MCOLN3: variants seen among roughly 807,000 people sequenced by gnomAD.
MCOLN3 encodes mucolipin-3.
A neutral mutation model predicts 69.4 loss-of-function variants in MCOLN3; 62 were observed. The ratio of observed to expected loss-of-function variants is 0.89; its 90% CI spans 0.73 to 1.10. The LOEUF (loss-of-function observed/expected upper bound fraction) is 1.10. MCOLN3 is among the 50% of genes least tolerant of loss of function. MCOLN3 has a pLI of 0.00. For missense variants in MCOLN3, 564 were observed against 656.4 expected (o/e 0.86, Z 1.54); for synonymous variants, 183 against 217.0 (o/e 0.84, Z 1.38).
intron 1 of MCOLN3, among the ~76,000 whole-genome samples, chr1:85,048,028 G>C (rs1046819996): frequency 1.3e-5 from 2 of 152,222 alleles, no homozygotes; most frequent in Non-Finnish European, 2.9e-5. Flanking sequence ...AGCCCCGGCC[G>C]GCATCCAAGC....
intron 6 of MCOLN3, among the ~76,000 whole-genome samples, chr1:85,031,165 G>A (rs761553165): frequency 8.6e-5 from 13 of 151,716 alleles, no homozygotes; most frequent in South Asian, 2.1e-4. Flanking sequence ...CAGCTACTCC[G>A]GAGGCTGAGG....
intron 3 of MCOLN3, among the ~76,000 whole-genome samples, chr1:85,037,849 G>A (rs1260856301): frequency 6.6e-6 from 1 of 152,216 alleles, no homozygotes; most frequent in Non-Finnish European, 1.5e-5. Flanking sequence ...GCTTTAATTA[G>A]TCTGGGCATC....
Position 85,039,267 on chromosome 1 carries a change from G to A in MCOLN3, c.396+1743C>T, listed in dbSNP as rs114577337. On this transcript the variant is annotated intron_variant, in intron 3 of 12. Coordinates refer to ENST00000370589, the MANE Select transcript of MCOLN3 (RefSeq NM_018298.11). ...TGTGTCCCTCCAAAGTTCTTATGGT[G>A]GAAATTAAACCCCAATATGATAGTC... Among the ~76,000 whole-genome samples, 407 of 152,244 alleles carry A rather than the reference G, an allele frequency of 2.7e-3. 5 individuals are homozygous for A. The highest frequency in any genetic ancestry group is 9.4e-3 in the African/African-American group (389 of 41,554).
chr1:85,033,579 C>A (rs1267061848), intron 4 of MCOLN3, among the ~76,000 whole-genome samples: 1 of 152,122 alleles, frequency 6.6e-6, no homozygotes, highest in African/African-American at 2.4e-5. Context: ...AAGAAGAATA[C>A]GCCATGCTAT....
chr1:85,037,091 A>G (rs1652838039), intron 3 of MCOLN3, among the ~76,000 whole-genome samples: 1 of 152,166 alleles, frequency 6.6e-6, no homozygotes, highest in East Asian at 1.9e-4. Flanking sequence ...TGAGTTGGTA[A>G]ACTGTTAGGA....
intron 3 of MCOLN3, 62 bp from the exon 4 acceptor site, chr1:85,034,313 C>T (rs1652698000): frequency 6.5e-7 from 1 of 1,528,592 alleles, no homozygotes; most frequent in Non-Finnish European, 9.0e-7. Flanking sequence ...GAAGCCATAA[C>T]TCCCCTCCCT....
At chr1:85,046,760 A>G (rs1308578795) in intron 1 of MCOLN3, among the ~76,000 whole-genome samples, 1 of 152,234 alleles carries the variant, frequency 6.6e-6, no homozygotes, top group African/African-American at 2.4e-5. Context: ...TAATGAAAAG[A>G]TTAATAAGGA....
chr1:85,025,711 C>A, intron 9 of MCOLN3: 1 of 485,012 alleles, frequency 2.1e-6, no homozygotes, highest in Non-Finnish European at 3.7e-6. Flanking sequence ...TACACTTTAC[C>A]AGGCACCCAA....
At chr1:85,021,605 G>A (rs750784884) in intron 11 of MCOLN3, among the ~76,000 whole-genome samples, 2 of 152,136 alleles carry the variant, frequency 1.3e-5, no homozygotes, top group Admixed American at 6.5e-5. Flanking sequence ...GAGATACCCA[G>A]GTCCCAACCA....
At chr1:85,030,893 G>C (rs1251092760) in intron 6 of MCOLN3, among the ~76,000 whole-genome samples, 1 of 152,176 alleles carries the variant, frequency 6.6e-6, no homozygotes, top group African/African-American at 2.4e-5. Flanking sequence ...GCAAAGGAAG[G>C]CTTGGAATAG....
intron 1 of MCOLN3, among the ~76,000 whole-genome samples, 176 bp from the exon 2 acceptor site, chr1:85,045,538 C>T (rs74604529): frequency 0.022 from 3,396 of 152,268 alleles, 137 homozygotes; most frequent in African/African-American, 0.078. Flanking sequence ...CAATGTAGGA[C>T]GTCACTTTTT....
chr1:85,032,244 T>C (rs1018617687), intron 6 of MCOLN3, among the ~76,000 whole-genome samples: 1 of 152,134 alleles, frequency 6.6e-6, no homozygotes, highest in Non-Finnish European at 1.5e-5. Flanking sequence ...AACTTGAAGG[T>C]AGACTGTAAT....
intron 7 of MCOLN3, 95 bp from the exon 8 acceptor site, chr1:85,026,379 T>G (rs1202230487): frequency 4.6e-6 from 4 of 860,226 alleles, no homozygotes; most frequent in Non-Finnish European, 5.7e-6. Context: ...CAAGCATTCT[T>G]TCTGGTAAGA....
At chr1:85,046,508 C>G (rs773223597) in intron 1 of MCOLN3, among the ~76,000 whole-genome samples, 1 of 152,094 alleles carries the variant, frequency 6.6e-6, no homozygotes, top group South Asian at 2.1e-4. Context: ...TCCTTCCATA[C>G]GGAATAGAAA....
At position 85,046,960 on chromosome 1, in the gene MCOLN3, G is replaced by T. The variant is rs1314825559; in HGVS notation, c.-3+1436C>A. Among the ~76,000 whole-genome samples, 3 of 152,130 alleles carry T rather than the reference G, an allele frequency of 2.0e-5. No homozygotes were observed. In the East Asian group the frequency reaches 5.8e-4, roughly 29 times the overall value. On this transcript the variant is annotated intron_variant, in intron 1 of 12. Coordinates refer to ENST00000370589, the MANE Select transcript of MCOLN3 (RefSeq NM_018298.11). Reference sequence around the variant, plus strand: ...AAAGAAAAAGTTATTAATAAATTAGGATTTTCACTTAACAGTTTTACTTCC... The same window carrying T: ...AAAGAAAAAGTTATTAATAAATTAGTATTTTCACTTAACAGTTTTACTTCC...
Position 85,018,992 on chromosome 1 carries a change from G to T in MCOLN3, c.*131C>A. ...GCTTTTAAAAATATAAACAGTTATT[G>T]GTGAATTATAGGTCTCAATTAGCTC... On this transcript the variant is annotated 3_prime_UTR_variant, in exon 13 of 13. Transcript: ENST00000370589. 4 of 755,864 alleles carry T rather than the reference G, an allele frequency of 5.3e-6. No homozygotes were observed. Among genetic ancestry groups the T allele is most frequent in the East Asian group, 5.8e-5 (2 of 34,572 alleles). The allele number at this position is 755,864 out of a possible 1,614,324, so 46.8% of individuals were successfully genotyped here. A position where few individuals can be genotyped will look rare whatever the true frequency, so the allele number is the denominator to read the frequency against.
At chr1:85,019,865 C>T (rs1651837673) in intron 12 of MCOLN3, among the ~76,000 whole-genome samples, 1 of 152,142 alleles carries the variant, frequency 6.6e-6, no homozygotes. Flanking sequence ...GTTTAAGGGC[C>T]TCATATTTAT....
At chr1:85,031,932 C>T (rs1203158377) in intron 6 of MCOLN3, among the ~76,000 whole-genome samples, 3 of 151,882 alleles carry the variant, frequency 2.0e-5, no homozygotes, top group Non-Finnish European at 2.9e-5. Flanking sequence ...AAAAATTAGC[C>T]GGGCATGGTG....
At chr1:85,030,576 G>A (rs1652459394) in intron 6 of MCOLN3, among the ~76,000 whole-genome samples, 1 of 152,114 alleles carries the variant, frequency 6.6e-6, no homozygotes, top group Non-Finnish European at 1.5e-5. Flanking sequence ...AGAAAATCAT[G>A]CTGAATAAAT....
Sources: gnomAD v4.1 joint callset for allele counts (sites outside exome capture counted in the v4.1 genomes callset) on GRCh38, gnomAD v4.1.1 for gene constraint, MANE v1.5 for transcripts, NCBI Gene and HGNC (gene_info 2026-07-23, HGNC 2026-07-21) for gene names.